The following HDAC5 variants were observed in gnomAD, a reference collection of about 807,000 sequenced individuals.
The protein encoded by HDAC5 is antigen NY-CO-9.
Under a neutral mutation model 133.3 loss-of-function variants are expected in HDAC5, and 25 were observed. The observed-to-expected ratio is 0.19, with a 90% CI of 0.14 to 0.26. HDAC5 has a LOEUF of 0.26. Among genes scored for constraint, HDAC5 ranks in the 10% least tolerant of loss-of-function variants. The pLI is 1.00. For missense variants in HDAC5, 1,041 were observed against 1,460.5 expected, an observed-to-expected ratio of 0.71 and a Z score of 4.68; for synonymous variants, 589 against 610.8, an observed-to-expected ratio of 0.96 and a Z score of 0.53.
chr17:44,082,187 T>C (rs151238251), intron 20 of HDAC5: 30 of 187,996 alleles, frequency 1.6e-4, no homozygotes, highest in African/African-American at 6.3e-4. Context: ...TCCTCGTTCT[T>C]ACTACTCGAG....
chr17:44,088,641 C>A (rs755137511), intron 11 of HDAC5, 43 bp from the exon 12 acceptor site: 1 of 1,586,092 alleles, frequency 6.3e-7, no homozygotes, highest in Middle Eastern at 1.7e-4. Context: ...TGTCAGGGCA[C>A]CTGACTGCCC....
intron 12 of HDAC5, 75 bp from the exon 13 acceptor site, chr17:44,087,771 A>G: frequency 6.9e-7 from 1 of 1,450,108 alleles, no homozygotes; most frequent in Non-Finnish European, 9.1e-7. Flanking sequence ...AGAACAGTCT[A>G]TCCTTCCCTC....
At position 44,078,895 on chromosome 17, in the gene HDAC5, AGAG is replaced by A. The variant is rs1459817905; in HGVS notation, c.3079-19_3079-17del. 1 of 1,613,912 alleles carries A rather than the reference AGAG, an allele frequency of 6.2e-7. No individual in the cohort carries two copies. Among genetic ancestry groups the A allele is most frequent in the South Asian group, 1.1e-5 (1 of 91,076 alleles). On this transcript the variant is annotated splice_polypyrimidine_tract_variant and intron_variant, in intron 24 of 26. Coordinates refer to ENST00000682912, the MANE Select transcript of HDAC5 (RefSeq NM_005474.5). ...AGGGCTGCAGCTGGCAGGGGAAAGA[AGAG>A]AAGGCTTAGGGTGGGGAGTAGGGTT...
At chr17:44,105,691 T>G (rs1026762684) in intron 3 of HDAC5, among the ~76,000 whole-genome samples, 2 of 152,172 alleles carry the variant, frequency 1.3e-5, no homozygotes, top group African/African-American at 4.8e-5. Flanking sequence ...ACATCCTCTC[T>G]CCTGACTGAC....
chr17:44,085,321 T>C (rs1237044280), intron 14 of HDAC5, 166 bp from the exon 15 acceptor site: 4 of 469,146 alleles, frequency 8.5e-6, no homozygotes, highest in African/African-American at 2.1e-5. Context: ...CCCTCTCCTC[T>C]CCAGCTTTTT....
rs1187101035 is a variant in HDAC5 at position 44,076,777 on chromosome 17, T to G, written c.*1599A>C. The G allele has an allele frequency of 1.1e-5, 2 of 175,562 alleles. No individual in the cohort carries two copies. Among genetic ancestry groups the G allele is most frequent in the Non-Finnish European group, 2.5e-5 (2 of 80,388 alleles). 10.9% of individuals were successfully genotyped at this position (175,562 alleles called of 1,614,324 possible). On this transcript the variant is annotated 3_prime_UTR_variant, in exon 27 of 27. Transcript: ENST00000682912. ...AGGCACTGCCAGAAACAAGTTTATT[T>G]ACACAAGGACACACAGTGTAACGGG... is the stretch of plus-strand genomic sequence containing the variant.
Position 44,103,493 on chromosome 17 carries a change from G to A in HDAC5, c.94+7236C>T, listed in dbSNP as rs76545546. On this transcript the variant is annotated intron_variant, in intron 3 of 26. Transcript: ENST00000682912. ...GGCAAGACACAGGGCACCACCCTGC[G>A]CTCCATGCAGGCATCTGTAAACTGG... Among the ~76,000 whole-genome samples, 831 of 152,274 alleles carry A rather than the reference G, an allele frequency of 5.5e-3. 3 individuals carry two copies. Among genetic ancestry groups the A allele is most frequent in the Middle Eastern group, 0.041 (12 of 294 alleles).
At chr17:44,111,255 G>A (rs893022011) in intron 2 of HDAC5, 3 of 294,698 alleles carry the variant, frequency 1.0e-5, no homozygotes, top group African/African-American at 6.5e-5. Context: ...CAGCTGGCAG[G>A]AGACTGAAAT....
intron 24 of HDAC5, 113 bp from the exon 25 acceptor site, chr17:44,078,992 T>C: frequency 6.6e-7 from 1 of 1,516,448 alleles, no homozygotes; most frequent in Admixed American, 1.8e-5. Flanking sequence ...AAACATGGCC[T>C]TTTTGGACAA....
chr17:44,107,043 C>T (rs1423678208), intron 3 of HDAC5, among the ~76,000 whole-genome samples: 1 of 152,044 alleles, frequency 6.6e-6, no homozygotes, highest in Non-Finnish European at 1.5e-5. Flanking sequence ...CTCCTGGGCT[C>T]AAGCAATCCT....
intron 3 of HDAC5, among the ~76,000 whole-genome samples, chr17:44,095,377 G>T (rs989806228): frequency 1.3e-5 from 2 of 152,216 alleles, no homozygotes; most frequent in Non-Finnish European, 2.9e-5. Flanking sequence ...GAGGCACAGA[G>T]GTTGGTTCTA....
In HDAC5 at chr17:44,100,788, AT is replaced by A. The variant is rs201556772; in HGVS notation, c.95-6955del. On this transcript the variant is annotated intron_variant, in intron 3 of 26. Transcript: ENST00000682912. ...AAATAAATACATACATACATACGTA[AT>A]TTTTTTTTCTTTTTTTTGGAGACGG... 1.8e-3 allele frequency among the ~76,000 whole-genome samples: 263 copies of A among 148,498 alleles called. 8 individuals carry two copies. The highest frequency in any genetic ancestry group is 0.014 in the Admixed American group (211 of 14,966).
Position 44,094,744 on chromosome 17 carries a change from GTA to G in HDAC5, c.95-912_95-911del, listed in dbSNP as rs559774396. ...TGTGTGTGTATATATATGTGTGTACGTATGTGTGTGTATATATATATATACAC... is the reference window on the plus strand; with the variant it reads ...TGTGTGTGTATATATATGTGTGTACGTGTGTGTGTATATATATATATACAC... On this transcript the variant is annotated intron_variant, in intron 3 of 26. Coordinates refer to ENST00000682912, the MANE Select transcript of HDAC5 (RefSeq NM_005474.5). Among the ~76,000 whole-genome samples the G allele has an allele frequency of 2.7e-3, 226 of 84,176 alleles. 1 individual carries two copies. Among genetic ancestry groups the G allele is most frequent in the African/African-American group, 5.7e-3 (209 of 36,726 alleles). The allele number at this position is 84,176 out of a possible 152,430, so 55.2% of individuals were successfully genotyped here.
chr17:44,092,624 C>G (rs1415533358), intron 7 of HDAC5, 52 bp downstream of exon 7: 34 of 1,537,936 alleles, frequency 2.2e-5, no homozygotes, highest in Non-Finnish European at 3.0e-5. Flanking sequence ...ACAAGCCCAC[C>G]TCTGCCTCCC....
chr17:44,116,009 T>G (rs1312287017), intron 2 of HDAC5: 1 of 152,226 alleles, frequency 6.6e-6, no homozygotes, highest in African/African-American at 2.4e-5. Context: ...ACCCAATAAC[T>G]TCATCTATCC....
chr17:44,123,537 C>T lies in HDAC5; in HGVS notation c.-223G>A. 2 of 397,702 alleles carry T rather than the reference C, an allele frequency of 5.0e-6. No individual in the cohort carries two copies. The highest frequency in any genetic ancestry group is 8.8e-6 in the Non-Finnish European group (2 of 226,642). 24.6% of individuals were successfully genotyped at this position (397,702 alleles called of 1,614,324 possible). ...GCTCGAGCTCCGGCTTCGCGGGCGG[C>T]GGCGGCAGCAGCGGCGGCGGCAGCG... On this transcript the variant is annotated 5_prime_UTR_variant, in exon 1 of 27. Coordinates refer to ENST00000682912, the MANE Select transcript of HDAC5 (RefSeq NM_005474.5).
At chr17:44,094,750 GTGTGTA>G (rs1381100933) in intron 3 of HDAC5, among the ~76,000 whole-genome samples, 19 of 30,852 alleles carry the variant, frequency 6.2e-4, no homozygotes, top group East Asian at 0.01. Context: ...GTACGTATGT[GTGTGTA>G]TATATATATA....
chr17:44,108,220 T>C (rs930187420), intron 3 of HDAC5, among the ~76,000 whole-genome samples: 1 of 152,136 alleles, frequency 6.6e-6, no homozygotes, highest in Admixed American at 6.5e-5. Context: ...CCCCTGTCCT[T>C]CGGTAGGCTA....
In HDAC5 at chr17:44,078,530, T is replaced by A; in HGVS notation, c.3299A>T (p.Gln1100Leu). 6.2e-7 allele frequency: 1 copy of A among 1,612,144 alleles called. No homozygotes were observed. Among genetic ancestry groups the A allele is most frequent in the Non-Finnish European group, 8.5e-7 (1 of 1,179,442 alleles). Residue 1100 changes from glutamine (Q) to leucine (L), a missense_variant, in exon 26 of 27, where the codon CAG becomes CTG. Coordinates refer to ENST00000682912, the MANE Select transcript of HDAC5 (RefSeq NM_005474.5). ...ALLSVGAEQAQAAAAREHSPR... is the reference protein window; with the variant it reads ...ALLSVGAEQALAAAAREHSPR... Reference sequence around the variant, plus strand: ...GCTGTGTTCCCGGGCTGCCGCAGCCTGGGCCTGCTCGGCCCCCACCGACAG... The same window carrying A: ...GCTGTGTTCCCGGGCTGCCGCAGCCAGGGCCTGCTCGGCCCCCACCGACAG...
Sources: gnomAD v4.1 joint callset for allele counts (sites outside exome capture counted in the v4.1 genomes callset) on GRCh38, gnomAD v4.1.1 for gene constraint, MANE v1.5 for transcripts, NCBI Gene and HGNC (gene_info 2026-07-23, HGNC 2026-07-21) for gene names.